The following DAPK1 variants were observed in gnomAD, a reference collection of about 807,000 sequenced individuals.
DAPK1 encodes the protein death associated protein kinase 1.
Under a neutral mutation model 144.9 loss-of-function variants are expected in DAPK1, and 56 were observed. The ratio of observed to expected loss-of-function variants is 0.39; its 90% CI spans 0.31 to 0.48. The LOEUF is 0.48. DAPK1 is among the 20% of genes least tolerant of loss of function. DAPK1 has a pLI of 0.95. For synonymous variants in DAPK1, 690 were observed against 749.0 expected (o/e 0.92, Z 1.29); for missense variants, 1,454 against 1,875.4 (o/e 0.78, Z 4.15).
intron 3 of DAPK1, among the ~76,000 whole-genome samples, chr9:87,636,508 G>A (rs1829898953): frequency 1.3e-5 from 2 of 152,240 alleles, no homozygotes; most frequent in South Asian, 2.1e-4. Flanking sequence ...CAGATTGAAA[G>A]TGAGGCTCAG....
Position 87,682,553 on chromosome 9 carries a change from G to A in DAPK1, c.2224+927G>A, listed in dbSNP as rs114115327. 6.6e-3 allele frequency among the ~76,000 whole-genome samples: 1,002 copies of A among 152,320 alleles called. 13 individuals carry two copies. The highest frequency in any genetic ancestry group is 0.022 in the African/African-American group (897 of 41,566). On this transcript the variant is annotated intron_variant, in intron 20 of 25. Transcript: ENST00000408954. ...TGAGGGAGGACGCTGGGGAGCATGGGTAGCTGCGGAGAGTTGGCTGAGATT... is the reference window on the plus strand; with the variant it reads ...TGAGGGAGGACGCTGGGGAGCATGGATAGCTGCGGAGAGTTGGCTGAGATT...
chr9:87,591,529 C>A (rs1479150160), intron 2 of DAPK1, among the ~76,000 whole-genome samples: 1 of 152,168 alleles, frequency 6.6e-6, no homozygotes, highest in African/African-American at 2.4e-5. Context: ...CTAAAAATTT[C>A]TCCAATATAC....
chr9:87,632,420 G>A (rs1564032763), intron 3 of DAPK1: 1 of 984,220 alleles, frequency 1.0e-6, no homozygotes, highest in Non-Finnish European at 1.2e-6. Flanking sequence ...AGGGATGAAG[G>A]AGGATAAGTG....
At chr9:87,695,319 T>G (rs1825216304) in intron 21 of DAPK1, among the ~76,000 whole-genome samples, 1 of 152,198 alleles carries the variant, frequency 6.6e-6, no homozygotes, top group African/African-American at 2.4e-5. Flanking sequence ...TGCAGGATTT[T>G]GGGTACAGAG....
chr9:87,685,244 C>T (rs1326339822), intron 20 of DAPK1, among the ~76,000 whole-genome samples: 1 of 152,164 alleles, frequency 6.6e-6, no homozygotes, highest in African/African-American at 2.4e-5. Flanking sequence ...TGCCCTTTCT[C>T]CTTTCCCTGT....
chr9:87,674,429 C>T (rs1397637112), intron 19 of DAPK1, among the ~76,000 whole-genome samples: 1 of 148,086 alleles, frequency 6.8e-6, no homozygotes, highest in African/African-American at 2.5e-5. Flanking sequence ...GCAGTAGAAT[C>T]GCTTGAACCC....
rs181602693 is a variant in DAPK1, at chr9:87,686,525, C to T, written c.2225-26C>T. ...AGGCACACGCTGCCCCCATCGAGTA[C>T]TCATGTGATCCTTTCCATCCTGCAG... On this transcript the variant is annotated intron_variant, in intron 20 of 25. Coordinates refer to ENST00000408954, the MANE Select transcript of DAPK1 (RefSeq NM_004938.4). This position sits in a 1 kb window ranked among gnomAD's most constrained non-coding sequence, Gnocchi z 4.2. 3.1e-4 allele frequency: 430 copies of T among 1,395,476 alleles called. No individual in the cohort carries two copies. The highest frequency in any genetic ancestry group is 3.9e-4 in the Non-Finnish European group (395 of 1,005,444). 86.4% of individuals were successfully genotyped at this position (1,395,476 alleles called of 1,614,324 possible).
intron 19 of DAPK1, among the ~76,000 whole-genome samples, chr9:87,672,919 G>C (rs1824226682): frequency 6.6e-6 from 1 of 152,112 alleles, no homozygotes; most frequent in Non-Finnish European, 1.5e-5. Flanking sequence ...TTCTAACTTG[G>C]GTCACCTGGA....
intron 24 of DAPK1, among the ~76,000 whole-genome samples, chr9:87,700,692 G>T (rs1027220091): frequency 4.0e-5 from 6 of 151,844 alleles, no homozygotes; most frequent in Admixed American, 1.3e-4. Context: ...GTAGAGACAG[G>T]GTCTTACTAT....
At chr9:87,644,244 A>G (rs140618140) in intron 11 of DAPK1, among the ~76,000 whole-genome samples, 2 of 152,308 alleles carry the variant, frequency 1.3e-5, no homozygotes, top group East Asian at 3.9e-4. Context: ...ACCTAATCAC[A>G]GATAAGCTCT....
At chr9:87,642,852 C>CT (rs1830141522) in intron 10 of DAPK1, among the ~76,000 whole-genome samples, 1 of 152,214 alleles carries the variant, frequency 6.6e-6, no homozygotes, top group Non-Finnish European at 1.5e-5. Flanking sequence ...TTTAACTGTA[C>CT]TTTTGCCTTA....
At chr9:87,659,163 C>G (rs562414813) in intron 18 of DAPK1, among the ~76,000 whole-genome samples, 2 of 152,182 alleles carry the variant, frequency 1.3e-5, no homozygotes, top group Admixed American at 6.5e-5. Context: ...GTCGCCTCCC[C>G]GAATGCACTC....
chr9:87,624,295 G>A (rs763759157), intron 3 of DAPK1, among the ~76,000 whole-genome samples: 3 of 152,180 alleles, frequency 2.0e-5, no homozygotes, highest in Non-Finnish European at 4.4e-5. Context: ...TGTCAGCTGT[G>A]AGTTCAGTCA....
intron 8 of DAPK1, 45 bp downstream of exon 8, chr9:87,640,495 C>T: frequency 6.3e-7 from 1 of 1,593,818 alleles, no homozygotes; most frequent in Non-Finnish European, 8.6e-7. Context: ...CGGCCTCAGC[C>T]AGCCCAGAGC....
intron 16 of DAPK1, chr9:87,650,505 G>A (rs1830407927): frequency 1.7e-5 from 4 of 237,794 alleles, no homozygotes; most frequent in South Asian, 1.5e-4. Flanking sequence ...ATCATCCGCT[G>A]TGTTGTAAAA....
At chr9:87,550,347 A>T (rs1407253081) in intron 2 of DAPK1, among the ~76,000 whole-genome samples, 1 of 152,270 alleles carries the variant, frequency 6.6e-6, no homozygotes, top group African/African-American at 2.4e-5. Context: ...CTGTTATAAC[A>T]AAATACCACA....
At chr9:87,641,834 A>G in intron 9 of DAPK1, 135 bp from the exon 10 acceptor site, 1 of 675,756 alleles carries the variant, frequency 1.5e-6, no homozygotes, top group Non-Finnish European at 2.5e-6. Context: ...ATTCCATGTT[A>G]TCCCAACTTC....
chr9:87,603,321 G>T lies in DAPK1; in HGVS notation c.63-1633G>T, dbSNP rs141622061. 2.4e-4 allele frequency among the ~76,000 whole-genome samples: 37 copies of T among 152,330 alleles called. No individual in the cohort carries two copies. The East Asian group carries it at 6.4e-3, about 26-fold the overall frequency. On this transcript the variant is annotated intron_variant, in intron 2 of 25. Transcript: ENST00000408954. ...AGAGAAATTGGATTTTGGTTGTAAT[G>T]AAGTCATTACATAGACCCCGTAATT...
chr9:87,565,232 G>A (rs749360912), intron 2 of DAPK1, among the ~76,000 whole-genome samples: 11 of 152,170 alleles, frequency 7.2e-5, no homozygotes, highest in East Asian at 1.9e-4. Flanking sequence ...CATGAAAAAC[G>A]AGTGTCGAGG....
Sources: allele counts gnomAD v4.1 joint callset (sites outside exome capture counted in the v4.1 genomes callset), GRCh38; gene constraint gnomAD v4.1.1; non-coding constraint Gnocchi (gnomAD v3.1); transcripts MANE v1.5; gene names NCBI Gene and HGNC (gene_info 2026-07-23, HGNC 2026-07-21).